The following POLR1D variants were observed in gnomAD, a reference collection of about 807,000 sequenced individuals.
The protein encoded by POLR1D is RNA polymerase I and III subunit D.
Under a neutral mutation model 10.8 loss-of-function variants are expected in POLR1D, and 8 were observed. The ratio of observed to expected loss-of-function variants is 0.74; its 90% CI spans 0.43 to 1.33. The LOEUF is 1.33. Among genes scored for constraint, POLR1D ranks in the 40% most tolerant of loss-of-function variants. POLR1D has a pLI of 0.01. For missense variants in POLR1D, 152 were observed against 161.7 expected (o/e 0.94, Z 0.32); for synonymous variants, 54 against 57.2 (o/e 0.94, Z 0.25).
At chr13:27,621,362 G>C (rs1194356713), upstream of POLR1D, 1 of 152,396 alleles carries the variant, frequency 6.6e-6, no homozygotes, top group African/African-American at 2.4e-5. Context: ...CAAGCTCCCC[G>C]GTGAAACAAA....
Position 27,663,764 on chromosome 13 carries a change from C to T in POLR1D, c.102-1922C>T, listed in dbSNP as rs370041807. ...TGCAGAGAAGAACTGGCCAGTTTAC[C>T]ACCACTGAGATGGCCCACTTCAGTG... On this transcript the variant is annotated intron_variant, in intron 2 of 2. Transcript: ENST00000399697. The surrounding 1 kb of genome is among the most constrained non-coding windows in gnomAD (Gnocchi z 4.1). Among the ~76,000 whole-genome samples, 38 of 152,274 alleles carry T rather than the reference C, an allele frequency of 2.5e-4. No homozygotes were observed. In the South Asian group the frequency reaches 7.9e-3, roughly 32 times the overall value.
At chr13:27,637,305 C>A (rs1956133829) in intron 1 of POLR1D, among the ~76,000 whole-genome samples, 1 of 152,176 alleles carries the variant, frequency 6.6e-6, no homozygotes, top group South Asian at 2.1e-4. Flanking sequence ...TTCAGTTAAT[C>A]TCTGCAGCCT....
intron 2 of POLR1D, chr13:27,665,161 G>A (rs1453667244): frequency 6.4e-6 from 1 of 155,318 alleles, no homozygotes; most frequent in Non-Finnish European, 1.4e-5. Flanking sequence ...ATTTTTTTAA[G>A]TAAAAGATTA....
exon 3 of POLR1D, chr13:27,665,713 T>C: frequency 6.2e-7 from 1 of 1,613,924 alleles, no homozygotes; most frequent in Non-Finnish European, 8.5e-7. Context: ...CTAGCACCAA[T>C]AAAAGATTTC....
downstream of POLR1D, among the ~76,000 whole-genome samples, chr13:27,627,507 G>A (rs1214613743): frequency 2.0e-5 from 3 of 152,118 alleles, no homozygotes; most frequent in African/African-American, 4.8e-5. Flanking sequence ...TGAAGTGCCC[G>A]AATGTGCAGT....
At chr13:27,624,100 G>A (rs149670845), downstream of POLR1D, among the ~76,000 whole-genome samples, 27 of 152,174 alleles carry the variant, frequency 1.8e-4, no homozygotes, top group African/African-American at 4.6e-4. Flanking sequence ...TATCCCACCC[G>A]CCAGTGCTCT....
At chr13:27,642,388 T>G (rs544399644) in intron 1 of POLR1D, among the ~76,000 whole-genome samples, 1 of 152,278 alleles carries the variant, frequency 6.6e-6, no homozygotes, top group South Asian at 2.1e-4. Flanking sequence ...TGCCCCTGTT[T>G]GTTTGGCCAC....
intron 2 of POLR1D, among the ~76,000 whole-genome samples, chr13:27,652,258 C>A (rs1956273153): frequency 6.6e-6 from 1 of 152,218 alleles, no homozygotes; most frequent in Non-Finnish European, 1.5e-5. Flanking sequence ...ATCCTGACAA[C>A]TTTAGTACCA....
chr13:27,665,441 T>C (rs1956406164), intron 2 of POLR1D: 1 of 526,698 alleles, frequency 1.9e-6, no homozygotes, highest in Non-Finnish European at 3.4e-6. Flanking sequence ...GTAGGAAATT[T>C]AGTCCCAGGA....
At position 27,623,071 on chromosome 13, in the gene POLR1D, C is replaced by T. The variant is rs1412924701; in HGVS notation, c.223C>T (p.Pro75Ser). ...VEFCGYTTTH[P>S]SESKINLRIQ... ...ATTTTGTGGTTACACTACGACCCAT[C>T]CTTCAGAGAGCAAAATTAATTTACG... The change falls in exon 2 of 2, where the codon CCT becomes TCT. Residue 75 changes from proline (P) to serine (S), a missense_variant. Pro to Ser is a moderately conservative substitution (Grantham distance 74). Coordinates refer to ENST00000302979, the MANE Select transcript of POLR1D (RefSeq NM_015972.4). 1 of 1,613,960 alleles carries T rather than the reference C, an allele frequency of 6.2e-7. No homozygotes were observed. Among genetic ancestry groups the T allele is most frequent in the Non-Finnish European group, 8.5e-7 (1 of 1,179,958 alleles).
chr13:27,653,044 GC>G (rs1956280898), intron 2 of POLR1D, among the ~76,000 whole-genome samples: 1 of 149,714 alleles, frequency 6.7e-6, no homozygotes, highest in Non-Finnish European at 1.5e-5. Flanking sequence ...GATTACAGGT[GC>G]CCACCACCAT....
chr13:27,652,142 T>C (rs548537835), intron 2 of POLR1D, among the ~76,000 whole-genome samples: 39 of 152,252 alleles, frequency 2.6e-4, no homozygotes, highest in Admixed American at 8.5e-4. Context: ...GTTAAAATCA[T>C]GCAATTTACA....
At chr13:27,646,647 A>G (rs77472489) in intron 1 of POLR1D, among the ~76,000 whole-genome samples, 9,095 of 152,318 alleles carry the variant, frequency 0.06, 321 homozygotes, top group Middle Eastern at 0.095. Context: ...AAAGATCTCA[A>G]TAAGAGTTTA....
chr13:27,665,060 A>G (rs530016153), intron 2 of POLR1D: 1 of 153,500 alleles, frequency 6.5e-6, no homozygotes, highest in South Asian at 2.0e-4. Flanking sequence ...GTACTGAAAT[A>G]TATCCTGCAC....
intron 1 of POLR1D, among the ~76,000 whole-genome samples, chr13:27,631,089 G>A (rs527881236): frequency 6.6e-6 from 1 of 152,306 alleles, no homozygotes; most frequent in South Asian, 2.1e-4. Context: ...GTCCATTGCT[G>A]CGTAATAGAT....
Position 27,645,093 on chromosome 13 carries a change from G to A in POLR1D, c.27-3286G>A, listed in dbSNP as rs543174375. Among the ~76,000 whole-genome samples the A allele has an allele frequency of 2.6e-5, 4 of 152,318 alleles. No individual in the cohort carries two copies. In the South Asian group the frequency reaches 8.3e-4, roughly 32 times the overall value. ...TTTTCTTCTTTGGAAGTAAAGCTCTGTAGAGGGAGCTTATGCAGGAGACTT... is the reference window on the plus strand; with the variant it reads ...TTTTCTTCTTTGGAAGTAAAGCTCTATAGAGGGAGCTTATGCAGGAGACTT... On this transcript the variant is annotated intron_variant, in intron 1 of 2. Transcript: ENST00000399697.
intron 2 of POLR1D, chr13:27,660,895 T>C (rs994856730): frequency 1.9e-4 from 29 of 152,336 alleles, no homozygotes; most frequent in African/African-American, 5.8e-4. Context: ...TGAGGCAACA[T>C]TGGTAATGGA....
intron 1 of POLR1D, chr13:27,647,995 C>A: frequency 1.0e-5 from 2 of 197,412 alleles, no homozygotes; most frequent in South Asian, 8.4e-5. Context: ...AACATTTATC[C>A]TTGTTGAGTT....
intron 1 of POLR1D, among the ~76,000 whole-genome samples, chr13:27,630,687 A>G (rs1335257914): frequency 6.6e-6 from 1 of 152,250 alleles, no homozygotes; most frequent in Non-Finnish European, 1.5e-5. Flanking sequence ...TGTGAGAAAT[A>G]AATGAAATAA....
Sources: allele counts gnomAD v4.1 joint callset (sites outside exome capture counted in the v4.1 genomes callset), GRCh38; gene constraint gnomAD v4.1.1; non-coding constraint Gnocchi (gnomAD v3.1); transcripts MANE v1.5; gene names NCBI Gene and HGNC (gene_info 2026-07-23, HGNC 2026-07-21).